The following RIMS2 variants were observed in gnomAD, a reference collection of about 807,000 sequenced individuals.
RIMS2 encodes the protein regulating synaptic membrane exocytosis protein 2.
Under a neutral mutation model 174.4 loss-of-function variants are expected in RIMS2, and 59 were observed. The ratio of observed to expected loss-of-function variants is 0.34; its 90% CI spans 0.27 to 0.42. The LOEUF is 0.42. Ranked by LOEUF, RIMS2 falls within the 10% of genes least tolerant of loss-of-function variation. The pLI, the probability that RIMS2 is intolerant of heterozygous loss-of-function variation, is 1.00. For missense variants in RIMS2, 1,620 were observed against 1,666.3 expected, an observed-to-expected ratio of 0.97 and a Z score of 0.48; for synonymous variants, 606 against 572.5, an observed-to-expected ratio of 1.06 and a Z score of -0.84.
intron 19 of RIMS2, among the ~76,000 whole-genome samples, chr8:104,057,534 TAGTTTAGATATC>T (rs2096891527): frequency 6.6e-6 from 1 of 152,048 alleles, no homozygotes; most frequent in Admixed American, 6.6e-5. Flanking sequence ...ATATCCAAAA[TAGTTTAGATATC>T]AGTTTCTTCT....
intron 19 of RIMS2, among the ~76,000 whole-genome samples, chr8:104,044,295 A>G (rs2096657138): frequency 6.7e-6 from 1 of 150,126 alleles, no homozygotes; most frequent in African/African-American, 2.4e-5. Context: ...CGACTGGAAA[A>G]TGTTAAGAAC....
At chr8:103,948,597 A>T (rs1259492195) in intron 14 of RIMS2, among the ~76,000 whole-genome samples, 4 of 152,154 alleles carry the variant, frequency 2.6e-5, no homozygotes, top group African/African-American at 9.7e-5. Context: ...GTGTTCTATG[A>T]TTCTACTTAT....
At chr8:103,551,370 G>A (rs760453008) in intron 1 of RIMS2, among the ~76,000 whole-genome samples, 5 of 152,134 alleles carry the variant, frequency 3.3e-5, no homozygotes, top group Non-Finnish European at 7.4e-5. Flanking sequence ...TTCAATAGAT[G>A]CAGAAAAGGC....
Position 103,614,618 on chromosome 8 carries a change from C to T in RIMS2, c.177-82468C>T, listed in dbSNP as rs544954113. Among the ~76,000 whole-genome samples the T allele has an allele frequency of 4.6e-5, 7 of 152,312 alleles. No individual in the cohort carries two copies. The South Asian group carries it at 8.3e-4, about 18-fold the overall frequency. On this transcript the variant is annotated intron_variant, in intron 1 of 23. Coordinates refer to ENST00000504942, the Ensembl canonical transcript of RIMS2. ...AGTCTTCTGTTCTGCCATCTTGCTC[C>T]GCCTTCCTCCAGAGCTTGTATTCTC...
At chr8:103,610,417 AG>A (rs2095327470) in intron 1 of RIMS2, among the ~76,000 whole-genome samples, 1 of 152,144 alleles carries the variant, frequency 6.6e-6, no homozygotes, top group South Asian at 2.1e-4. Flanking sequence ...CTGATTTTCA[AG>A]GGGAATGCCT....
At chr8:104,188,207 T>C (rs1163995509) in intron 19 of RIMS2, among the ~76,000 whole-genome samples, 9 of 149,082 alleles carry the variant, frequency 6.0e-5, no homozygotes, top group Non-Finnish European at 1.0e-4. Flanking sequence ...AGTGGGACTT[T>C]TAATGGTTTG....
intron 2 of RIMS2, among the ~76,000 whole-genome samples, chr8:103,714,662 A>G (rs1431060641): frequency 1.3e-5 from 2 of 152,150 alleles, no homozygotes; most frequent in Non-Finnish European, 2.9e-5. Flanking sequence ...ATTTTGTCAT[A>G]TATAGTCTGA....
At chr8:103,720,541 A>T (rs932500016) in intron 2 of RIMS2, among the ~76,000 whole-genome samples, 5 of 152,190 alleles carry the variant, frequency 3.3e-5, no homozygotes, top group African/African-American at 1.2e-4. Context: ...ACTGAATATA[A>T]CAGTCTGTCA....
intron 19 of RIMS2, among the ~76,000 whole-genome samples, chr8:104,126,424 A>G (rs2098430621): frequency 6.6e-6 from 1 of 152,178 alleles, no homozygotes; most frequent in Admixed American, 6.5e-5. Context: ...GATTTTAAAT[A>G]TGACCTATGG....
At chr8:103,694,368 T>G (rs985060444) in intron 1 of RIMS2, among the ~76,000 whole-genome samples, 4 of 151,866 alleles carry the variant, frequency 2.6e-5, no homozygotes, top group Non-Finnish European at 5.9e-5. Context: ...CTGGAACTTG[T>G]ATCTTCTGGT....
intron 19 of RIMS2, among the ~76,000 whole-genome samples, chr8:104,091,442 T>C (rs1173973359): frequency 2.6e-5 from 4 of 151,436 alleles, no homozygotes; most frequent in Admixed American, 2.6e-4. Flanking sequence ...ATAGTATCTA[T>C]TGAACAATTT....
intron 19 of RIMS2, among the ~76,000 whole-genome samples, chr8:104,141,802 C>G (rs1474905901): frequency 6.6e-6 from 1 of 152,206 alleles, no homozygotes; most frequent in Non-Finnish European, 1.5e-5. Flanking sequence ...CTGGGTTCAT[C>G]ATTCAGGGCT....
chr8:103,882,047 A>C (rs1565093227), intron 3 of RIMS2, among the ~76,000 whole-genome samples: 1 of 151,488 alleles, frequency 6.6e-6, no homozygotes, highest in Admixed American at 6.6e-5. Flanking sequence ...ATTAAGTGAA[A>C]TGTAAAATCC....
At chr8:104,109,612 A>C (rs1599087310) in intron 19 of RIMS2, among the ~76,000 whole-genome samples, 2 of 152,314 alleles carry the variant, frequency 1.3e-5, no homozygotes, top group East Asian at 3.9e-4. Context: ...AAAAGAAAGG[A>C]ATCGGAAAGA....
intron 3 of RIMS2, among the ~76,000 whole-genome samples, chr8:103,822,874 A>T (rs1434645603): frequency 2.0e-5 from 3 of 152,012 alleles, no homozygotes; most frequent in Non-Finnish European, 4.4e-5. Flanking sequence ...AAAAAAATCA[A>T]GTACTGAGTT....
At chr8:103,866,688 G>A (rs188487343) in intron 3 of RIMS2, among the ~76,000 whole-genome samples, 149 of 152,150 alleles carry the variant, frequency 9.8e-4, no homozygotes, top group African/African-American at 3.4e-3. Flanking sequence ...ATCTGACATG[G>A]TAATATGCTT....
intron 19 of RIMS2, among the ~76,000 whole-genome samples, chr8:104,194,852 G>A (rs1023867621): frequency 6.6e-6 from 1 of 152,166 alleles, no homozygotes; most frequent in Non-Finnish European, 1.5e-5. Context: ...GAGCAAAGAG[G>A]ACATGCCAGG....
At chr8:104,100,810 T>C (rs991058839) in intron 19 of RIMS2, among the ~76,000 whole-genome samples, 1 of 141,384 alleles carries the variant, frequency 7.1e-6, no homozygotes, top group African/African-American at 2.6e-5. Context: ...ATATATATTA[T>C]ATATTATATT....
chr8:103,823,695 A>G (rs1397434422), intron 3 of RIMS2, among the ~76,000 whole-genome samples: 2 of 152,014 alleles, frequency 1.3e-5, no homozygotes, highest in African/African-American at 4.8e-5. Flanking sequence ...GTGTTCAGGA[A>G]TTTTGGCACA....
Sources: allele counts gnomAD v4.1 joint callset (sites outside exome capture counted in the v4.1 genomes callset), GRCh38; gene constraint gnomAD v4.1.1; transcripts MANE v1.5; gene names NCBI Gene and HGNC (gene_info 2026-07-23, HGNC 2026-07-21).